The following SLC24A2 variants were observed in gnomAD, a reference collection of about 807,000 sequenced individuals.
The protein encoded by SLC24A2 is solute carrier family 24 member 2.
Under a neutral mutation model 62.0 loss-of-function variants are expected in SLC24A2, and 36 were observed. The ratio of observed to expected loss-of-function variants is 0.58; its 90% confidence interval spans 0.44 to 0.77. The LOEUF (loss-of-function observed/expected upper bound fraction) is 0.77, where lower values mean the gene tolerates loss of function less well. Ranked by LOEUF, SLC24A2 falls within the 30% of genes least tolerant of loss-of-function variation. The pLI, the probability that SLC24A2 is intolerant of heterozygous loss-of-function variation, is 0.00. For missense variants in SLC24A2, 846 were observed against 817.9 expected (o/e 1.03, Z -0.42); for synonymous variants, 358 against 294.0 (o/e 1.22, Z -2.23).
the SLC24A2 span, among the ~76,000 whole-genome samples, chr9:20,019,679 A>G: frequency 6.6e-6 from 1 of 152,206 alleles, no homozygotes; most frequent in Non-Finnish European, 1.5e-5. Flanking sequence ...TTCCCGACTA[A>G]AACACCGAAA....
At chr9:20,010,717 G>C in the SLC24A2 span, among the ~76,000 whole-genome samples, 1 of 151,492 alleles carries the variant, frequency 6.6e-6, no homozygotes, top group Non-Finnish European at 1.5e-5. Context: ...GCGTTAACTC[G>C]TCATTTACAT....
chr9:19,598,302 C>T (rs915380757), intron 4 of SLC24A2, among the ~76,000 whole-genome samples: 1 of 152,148 alleles, frequency 6.6e-6, no homozygotes, highest in Non-Finnish European at 1.5e-5. Flanking sequence ...TCCCATGGCC[C>T]ATTAACTGGG....
chr9:20,117,640 T>C, the SLC24A2 span, among the ~76,000 whole-genome samples: 2 of 152,146 alleles, frequency 1.3e-5, no homozygotes, highest in East Asian at 3.8e-4. Flanking sequence ...GTGAGGAAAC[T>C]GAAACTCAGA....
chr9:19,726,080 T>C (rs1171360993), intron 2 of SLC24A2, among the ~76,000 whole-genome samples: 1 of 152,202 alleles, frequency 6.6e-6, no homozygotes, highest in Non-Finnish European at 1.5e-5. Flanking sequence ...GGCCACATCC[T>C]CACTGAAGAA....
the SLC24A2 span, among the ~76,000 whole-genome samples, chr9:20,240,736 G>A: frequency 7.2e-5 from 11 of 152,142 alleles, no homozygotes; most frequent in African/African-American, 2.4e-4. Flanking sequence ...GAGAAGTACT[G>A]CATTTAGGGT....
the SLC24A2 span, among the ~76,000 whole-genome samples, chr9:20,303,432 CAAATTTAACGTATTCATTTT>C: frequency 1.3e-5 from 2 of 152,158 alleles, no homozygotes; most frequent in Non-Finnish European, 2.9e-5. Flanking sequence ...TGATAATCAA[CAAATTTAACGTATTCATTTT>C]AAATCCCACA....
At chr9:19,650,518 A>T (rs1331530992) in intron 2 of SLC24A2, among the ~76,000 whole-genome samples, 1 of 152,208 alleles carries the variant, frequency 6.6e-6, no homozygotes, top group Non-Finnish European at 1.5e-5. Flanking sequence ...TCCCACGCCC[A>T]TCAGCCTCCC....
the SLC24A2 span, among the ~76,000 whole-genome samples, chr9:19,809,567 T>A: frequency 3.3e-5 from 5 of 152,090 alleles, no homozygotes; most frequent in African/African-American, 4.8e-5. Context: ...CAGACATAGA[T>A]GCCTGCAGTT....
chr9:19,726,063 C>G (rs1821159513), intron 2 of SLC24A2, among the ~76,000 whole-genome samples: 1 of 152,200 alleles, frequency 6.6e-6, no homozygotes, highest in African/African-American at 2.4e-5. Flanking sequence ...AAACTCAGCT[C>G]TAGCGAGGCC....
the SLC24A2 span, among the ~76,000 whole-genome samples, chr9:20,221,234 A>C: frequency 1.3e-5 from 2 of 152,092 alleles, no homozygotes; most frequent in African/African-American, 4.8e-5. Context: ...GAAATTGTAA[A>C]CACTAATAAT....
chr9:19,652,675 A>C (rs923528552), intron 2 of SLC24A2, among the ~76,000 whole-genome samples: 1 of 152,212 alleles, frequency 6.6e-6, no homozygotes, highest in Non-Finnish European at 1.5e-5. Flanking sequence ...CATAATCAAT[A>C]TGTGTTGTTT....
chr9:20,102,502 G>C, the SLC24A2 span, among the ~76,000 whole-genome samples: 1 of 151,542 alleles, frequency 6.6e-6, no homozygotes, highest in African/African-American at 2.4e-5. Context: ...GGGGGTGGGG[G>C]GGGAAGGGGA....
intron 2 of SLC24A2, among the ~76,000 whole-genome samples, chr9:19,644,775 A>G (rs1654667628): frequency 1.3e-5 from 2 of 152,114 alleles, no homozygotes; most frequent in Admixed American, 6.5e-5. Flanking sequence ...CCTAATGAAT[A>G]CTTGTAAATA....
At chr9:19,528,564 C>A (rs1440829806) in intron 8 of SLC24A2, among the ~76,000 whole-genome samples, 1 of 152,154 alleles carries the variant, frequency 6.6e-6, no homozygotes, top group Non-Finnish European at 1.5e-5. Context: ...TGAATCCTAA[C>A]AATCCATATG....
At chr9:19,938,238 C>T in the SLC24A2 span, among the ~76,000 whole-genome samples, 1 of 152,040 alleles carries the variant, frequency 6.6e-6, no homozygotes, top group Non-Finnish European at 1.5e-5. Context: ...GCCAGTTGCC[C>T]ACTGTTGGAC....
intron 2 of SLC24A2, among the ~76,000 whole-genome samples, chr9:19,751,177 G>A (rs955741006): frequency 3.3e-5 from 5 of 152,254 alleles, no homozygotes; most frequent in Non-Finnish European, 7.4e-5. Context: ...AATTATAGCA[G>A]TAAAAGTTAT....
At chr9:19,931,778 C>T in the SLC24A2 span, among the ~76,000 whole-genome samples, 3 of 152,192 alleles carry the variant, frequency 2.0e-5, no homozygotes, top group Non-Finnish European at 4.4e-5. Context: ...ACAGCACAAA[C>T]AACCAGAATA....
intron 8 of SLC24A2, among the ~76,000 whole-genome samples, chr9:19,538,908 C>T (rs1228400618): frequency 2.3e-5 from 3 of 129,176 alleles, no homozygotes; most frequent in African/African-American, 9.0e-5. Flanking sequence ...TTCAGAGATT[C>T]AACTTCTTCC....
the SLC24A2 span, among the ~76,000 whole-genome samples, chr9:20,080,600 T>C: frequency 6.6e-6 from 1 of 152,028 alleles, no homozygotes; most frequent in African/African-American, 2.4e-5. Flanking sequence ...CCAAAAGCAA[T>C]GGCAACAAAA....
Sources: allele counts gnomAD v4.1 joint callset (sites outside exome capture counted in the v4.1 genomes callset), GRCh38; gene constraint gnomAD v4.1.1; transcripts MANE v1.5; gene names NCBI Gene and HGNC (gene_info 2026-07-23, HGNC 2026-07-21).